Variants in PLAAT1 observed in about 807,000 individuals in gnomAD.
The protein encoded by PLAAT1 is H-REV107 protein-related protein.
PLAAT1 carries 13 observed loss-of-function variants against 16.4 expected under a neutral mutation model. That is an observed-to-expected ratio of 0.79 (90% CI 0.52 to 1.26). The LOEUF is 1.26. Among genes scored for constraint, PLAAT1 ranks in the 50% most tolerant of loss-of-function variants. The pLI is 0.00. For missense variants in PLAAT1, 218 were observed against 207.8 expected, an observed-to-expected ratio of 1.05 and a Z score of -0.30; for synonymous variants, 73 against 78.4, an observed-to-expected ratio of 0.93 and a Z score of 0.36.
In PLAAT1 at chr3:193,243,344, A is replaced by G. The variant is rs552533622; in HGVS notation, c.-1+1811A>G. ...ATGTGGTCCATGTAAAACTTACCCA[A>G]TCAGACAGGTTACAGATATTTGCCT... On this transcript the variant is annotated intron_variant, in intron 1 of 3. Coordinates refer to ENST00000264735, the MANE Select transcript of PLAAT1 (RefSeq NM_020386.5). Among the ~76,000 whole-genome samples, 13 of 151,758 alleles carry G rather than the reference A, an allele frequency of 8.6e-5. No individual in the cohort carries two copies. In the South Asian group the frequency reaches 2.3e-3, roughly 27 times the overall value.
At chr3:193,272,377 G>A (rs1429036725), downstream of PLAAT1, among the ~76,000 whole-genome samples, 3 of 152,098 alleles carry the variant, frequency 2.0e-5, no homozygotes, top group Non-Finnish European at 4.4e-5. Flanking sequence ...CAGGAGCGGA[G>A]GTTGCAGTGA....
intron 1 of PLAAT1, among the ~76,000 whole-genome samples, chr3:193,249,622 A>T (rs1007863500): frequency 6.6e-6 from 1 of 152,106 alleles, no homozygotes; most frequent in East Asian, 1.9e-4. Context: ...TTCTTGTACA[A>T]CAATAATTCA....
rs1716961934 is a variant in PLAAT1 at position 193,270,765 on chromosome 3, G to T, written c.*60G>T. On this transcript the variant is annotated 3_prime_UTR_variant, in exon 4 of 4. Coordinates refer to ENST00000264735, the MANE Select transcript of PLAAT1 (RefSeq NM_020386.5). ...TTGGGAGGAGGAAAAGAAACCTGGG[G>T]TGAATACTTATTTTCAGTGCATCAT... is the stretch of plus-strand genomic sequence containing the variant. The T allele has an allele frequency of 2.5e-6, 4 of 1,577,026 alleles. No individual in the cohort carries two copies. Among genetic ancestry groups the T allele is most frequent in the Admixed American group, 3.6e-5 (2 of 55,544 alleles).
chr3:193,254,909 G>A (rs113869481), intron 1 of PLAAT1, among the ~76,000 whole-genome samples: 11 of 152,290 alleles, frequency 7.2e-5, no homozygotes, highest in African/African-American at 2.4e-4. Context: ...AGAAAGAAAT[G>A]TTCCATGTCC....
intron 1 of PLAAT1, among the ~76,000 whole-genome samples, chr3:193,242,669 T>G (rs1310721633): frequency 1.3e-5 from 2 of 151,990 alleles, no homozygotes; most frequent in Admixed American, 1.3e-4. Context: ...TGGCAGCGGA[T>G]AGTTAATTTG....
At chr3:193,262,460 G>A (rs1716619794) in intron 2 of PLAAT1, among the ~76,000 whole-genome samples, 1 of 151,684 alleles carries the variant, frequency 6.6e-6, no homozygotes, top group African/African-American at 2.4e-5. Flanking sequence ...TAGGAAATTG[G>A]ACCCCAAATT....
downstream of PLAAT1, chr3:193,270,867 A>G (rs543773901): frequency 4.6e-6 from 6 of 1,306,336 alleles, no homozygotes; most frequent in African/African-American, 3.0e-5. Flanking sequence ...CATTGAGCCA[A>G]TGAAATTTTT....
chr3:193,241,369 G>A lies in PLAAT1; in HGVS notation c.-165G>A, dbSNP rs953259589. ...GTGCTGGCGTTGGCCCTGGAGGACG[G>A]CCCCGAGTGATGGCTGGCGCCTGCC... On this transcript the variant is annotated 5_prime_UTR_variant, in exon 1 of 4. Transcript: ENST00000264735. The A allele has an allele frequency of 8.9e-6, 11 of 1,231,652 alleles. No individual in the cohort carries two copies. The highest frequency in any genetic ancestry group is 1.0e-5 in the Non-Finnish European group (10 of 987,930). The allele number at this position is 1,231,652 out of a possible 1,614,324, so 76.3% of individuals were successfully genotyped here.
chr3:193,274,685 C>G, downstream of PLAAT1: 1 of 212,486 alleles, frequency 4.7e-6, no homozygotes, highest in South Asian at 1.1e-4. Context: ...AATAGTAAAA[C>G]TTTCAAAGAC....
At chr3:193,253,463 C>T (rs978835890) in intron 1 of PLAAT1, among the ~76,000 whole-genome samples, 1 of 152,186 alleles carries the variant, frequency 6.6e-6, no homozygotes, top group African/African-American at 2.4e-5. Context: ...TATCATCCAC[C>T]TGTCTGGCTC....
chr3:193,270,584 T>C lies in PLAAT1; in HGVS notation c.406-20T>C. The C allele has an allele frequency of 6.2e-7, 1 of 1,605,584 alleles. No individual in the cohort carries two copies. The highest frequency in any genetic ancestry group is 8.5e-7 in the Non-Finnish European group (1 of 1,175,860). ...TTTAGAATATGATGTGTTTTTTGTT[T>C]ACTTCTTGTTTCCTTATAGGCCAAC... On this transcript the variant is annotated intron_variant, in intron 3 of 3. Transcript: ENST00000264735.
chr3:193,267,510 G>T (rs1010745172), intron 3 of PLAAT1, among the ~76,000 whole-genome samples: 1 of 151,920 alleles, frequency 6.6e-6, no homozygotes, highest in Non-Finnish European at 1.5e-5. Context: ...ATGTATTTAA[G>T]GTTTCTTCAT....
At position 193,259,091 on chromosome 3, in the gene PLAAT1, G is replaced by A. The variant is rs113290280; in HGVS notation, c.139+3302G>A. ...TATTCCTGAGGTACAAGATTGGTTC[G>A]ACATACACAAATCCATAAATATGAT... On this transcript the variant is annotated intron_variant, in intron 2 of 3. Coordinates refer to ENST00000264735, the MANE Select transcript of PLAAT1 (RefSeq NM_020386.5). Among the ~76,000 whole-genome samples the A allele has an allele frequency of 2.0e-3, 299 of 152,170 alleles. 5 individuals are homozygous for A. Among genetic ancestry groups the A allele is most frequent in the South Asian group, 1.2e-3 (6 of 4,820 alleles).
In PLAAT1 at chr3:193,241,297, C is replaced by T. The variant is rs894722092; in HGVS notation, c.-237C>T. ...TCGGCCCCCCGGCGTGCGGGCGTCT[C>T]AGAGCCGCGGAGGGGCCGCCGGGAC... is the stretch of plus-strand genomic sequence containing the variant. On this transcript the variant is annotated 5_prime_UTR_variant, in exon 1 of 4. Coordinates refer to ENST00000264735, the MANE Select transcript of PLAAT1 (RefSeq NM_020386.5). 1.5e-5 allele frequency: 19 copies of T among 1,230,804 alleles called. No individual in the cohort carries two copies. Among genetic ancestry groups the T allele is most frequent in the Non-Finnish European group, 1.9e-5 (19 of 987,456 alleles). 76.2% of individuals were successfully genotyped at this position (1,230,804 alleles called of 1,614,324 possible).
At chr3:193,280,289 C>T (rs1234346875), downstream of PLAAT1, among the ~76,000 whole-genome samples, 3 of 152,026 alleles carry the variant, frequency 2.0e-5, no homozygotes, top group Admixed American at 6.6e-5. Flanking sequence ...TCCTGACCTG[C>T]GATCCACCCG....
rs1457710036 is a variant in PLAAT1 at position 193,260,591 on chromosome 3, A to G, written c.140-2379A>G. On this transcript the variant is annotated intron_variant, in intron 2 of 3. Coordinates refer to ENST00000264735, the MANE Select transcript of PLAAT1 (RefSeq NM_020386.5). ...CATTCAGGCAACCAACAAACCTATG[A>G]AACAATGCTCATCATCACTAATCAT... 4.6e-5 allele frequency among the ~76,000 whole-genome samples: 7 copies of G among 152,214 alleles called. No homozygotes were observed. In the South Asian group the frequency reaches 1.2e-3, roughly 27 times the overall value.
downstream of PLAAT1, among the ~76,000 whole-genome samples, chr3:193,280,299 G>T (rs187703950): frequency 6.6e-6 from 1 of 152,110 alleles, no homozygotes; most frequent in African/African-American, 2.4e-5. Context: ...CGATCCACCC[G>T]CCTCGGCCTC....
Position 193,254,636 on chromosome 3 carries a change from C to A in PLAAT1, c.1-1015C>A, listed in dbSNP as rs972896924. ...AAAAGTATTGACTTAAAAAAAATTA[C>A]CAAACTTAGAATTTCAAACATGTTC... On this transcript the variant is annotated intron_variant, in intron 1 of 3. Transcript: ENST00000264735. 4.6e-5 allele frequency among the ~76,000 whole-genome samples: 7 copies of A among 152,192 alleles called. No individual in the cohort carries two copies. In the East Asian group the frequency reaches 9.6e-4, roughly 21 times the overall value.
intron 1 of PLAAT1, among the ~76,000 whole-genome samples, chr3:193,248,796 T>C (rs1716076126): frequency 6.6e-6 from 1 of 152,182 alleles, no homozygotes; most frequent in Admixed American, 6.5e-5. Context: ...TTTGAATAGT[T>C]TTTCTTCTTT....
Sources: gnomAD v4.1 joint callset for allele counts (sites outside exome capture counted in the v4.1 genomes callset) on GRCh38, gnomAD v4.1.1 for gene constraint, MANE v1.5 for transcripts, NCBI Gene and HGNC (gene_info 2026-07-23, HGNC 2026-07-21) for gene names.